The following POU6F2 variants were observed in gnomAD, a reference collection of about 807,000 sequenced individuals.
The protein encoded by POU6F2 is POU class 6 homeobox 2.
In POU6F2, 31 loss-of-function variants were observed where a neutral mutation model predicts 71.3. The ratio of observed to expected loss-of-function variants is 0.43; its 90% CI spans 0.33 to 0.59. The LOEUF is 0.59. POU6F2 is among the 20% of genes least tolerant of loss of function. The pLI, the probability that POU6F2 is intolerant of heterozygous loss-of-function variation, is 0.04. For missense variants in POU6F2, 783 were observed against 856.8 expected, an observed-to-expected ratio of 0.91 and a Z score of 1.07; for synonymous variants, 347 against 355.7, an observed-to-expected ratio of 0.98 and a Z score of 0.27.
chr7:39,457,930 A>G (rs1788841370), intron 8 of POU6F2, among the ~76,000 whole-genome samples: 2 of 151,872 alleles, frequency 1.3e-5, no homozygotes, highest in Non-Finnish European at 2.9e-5. Flanking sequence ...TTTCTCAGCT[A>G]TTATTTTATT....
chr7:39,270,357 G>A (rs1473534110), intron 4 of POU6F2, among the ~76,000 whole-genome samples: 1 of 152,178 alleles, frequency 6.6e-6, no homozygotes, highest in Non-Finnish European at 1.5e-5. Flanking sequence ...TTTTACAGAT[G>A]AGGAAACTGA....
intron 5 of POU6F2, among the ~76,000 whole-genome samples, chr7:39,357,309 G>A (rs1481499760): frequency 1.3e-5 from 2 of 152,122 alleles, no homozygotes; most frequent in African/African-American, 2.4e-5. Context: ...AAACACTGCT[G>A]GGCACTTAAC....
chr7:39,123,963 G>A (rs952652939), intron 2 of POU6F2, among the ~76,000 whole-genome samples: 2 of 151,428 alleles, frequency 1.3e-5, no homozygotes, highest in Non-Finnish European at 2.9e-5. Context: ...ATACCACTGT[G>A]ACTATACATG....
chr7:38,996,142 C>T (rs1212951834), intron 1 of POU6F2, among the ~76,000 whole-genome samples: 3 of 149,396 alleles, frequency 2.0e-5, no homozygotes, highest in South Asian at 4.2e-4. Context: ...CTGGTTCAAG[C>T]GATTCTCCTG....
At chr7:39,006,841 A>C in intron 1 of POU6F2, 1 of 1,613,660 alleles carries the variant, frequency 6.2e-7, no homozygotes, top group Non-Finnish European at 8.5e-7. Context: ...ATCCAAGAGG[A>C]AGTGGCAAAT....
At chr7:39,362,193 T>A (rs1786402372) in intron 5 of POU6F2, among the ~76,000 whole-genome samples, 1 of 151,736 alleles carries the variant, frequency 6.6e-6, no homozygotes, top group Non-Finnish European at 1.5e-5. Flanking sequence ...CTAAAATACA[T>A]CTTGAAGTTT....
intron 3 of POU6F2, among the ~76,000 whole-genome samples, chr7:39,206,009 T>C (rs542822826): frequency 1.3e-5 from 2 of 152,318 alleles, no homozygotes; most frequent in African/African-American, 4.8e-5. Context: ...CCCTCTCAAC[T>C]AGACATGGGA....
chr7:39,410,493 A>G (rs865936808), intron 6 of POU6F2, among the ~76,000 whole-genome samples: 1 of 152,178 alleles, frequency 6.6e-6, no homozygotes, highest in Non-Finnish European at 1.5e-5. Flanking sequence ...CTCTTTGTTT[A>G]CTGGATCTGG....
intron 2 of POU6F2, among the ~76,000 whole-genome samples, chr7:39,155,373 C>A (rs1038162707): frequency 1.3e-5 from 2 of 151,822 alleles, no homozygotes. Context: ...TATTAAAAAT[C>A]TTTTTCACTA....
chr7:39,224,975 C>A (rs997473517), intron 4 of POU6F2, among the ~76,000 whole-genome samples: 7 of 152,140 alleles, frequency 4.6e-5, no homozygotes, highest in African/African-American at 1.7e-4. Context: ...AGCCAGCTGC[C>A]AACTGTTTTT....
chr7:39,092,497 T>C (rs1791378652), intron 2 of POU6F2, among the ~76,000 whole-genome samples: 1 of 152,248 alleles, frequency 6.6e-6, no homozygotes, highest in African/African-American at 2.4e-5. Context: ...TATGGTATTT[T>C]GTAGTTGAAC....
At chr7:39,131,004 T>C (rs1792265693) in intron 2 of POU6F2, among the ~76,000 whole-genome samples, 1 of 152,194 alleles carries the variant, frequency 6.6e-6, no homozygotes, top group South Asian at 2.1e-4. Flanking sequence ...ATGACATTCC[T>C]TGTTACCAGT....
intron 6 of POU6F2, among the ~76,000 whole-genome samples, chr7:39,419,030 TATATATACATATATATGTATACAC>T (rs1787768455): frequency 6.8e-6 from 1 of 146,918 alleles, no homozygotes; most frequent in Non-Finnish European, 1.5e-5. Context: ...TATATGTGTG[TATATATACATATATATGTATACAC>T]ATATATACAC....
At chr7:39,451,131 A>C (rs1035179387) in intron 7 of POU6F2, among the ~76,000 whole-genome samples, 1 of 152,136 alleles carries the variant, frequency 6.6e-6, no homozygotes, top group Admixed American at 6.5e-5. Context: ...GCACAGCCAC[A>C]CCTTTAAGTT....
chr7:39,368,674 G>A (rs1301996855), intron 5 of POU6F2, among the ~76,000 whole-genome samples: 1 of 152,196 alleles, frequency 6.6e-6, no homozygotes, highest in Non-Finnish European at 1.5e-5. Context: ...AAGACAGGCT[G>A]ACTCTCCTAT....
At chr7:38,992,578 A>G (rs962058555) in intron 1 of POU6F2, among the ~76,000 whole-genome samples, 3 of 152,310 alleles carry the variant, frequency 2.0e-5, no homozygotes, top group South Asian at 2.1e-4. Flanking sequence ...AGGAGTTTAC[A>G]CTGACTAGAT....
intron 1 of POU6F2, among the ~76,000 whole-genome samples, chr7:39,016,867 A>G (rs1389289422): frequency 6.6e-6 from 1 of 152,206 alleles, no homozygotes. Flanking sequence ...AAGAAGGCCG[A>G]CAGCCACTGT....
intron 1 of POU6F2, among the ~76,000 whole-genome samples, chr7:39,071,652 GAAACAC>G (rs1790882702): frequency 2.8e-5 from 3 of 106,454 alleles, no homozygotes; most frequent in Non-Finnish European, 3.8e-5. Flanking sequence ...CATCTCTAAA[GAAACAC>G]ACACACACAC....
At chr7:39,083,249 C>G (rs1298631712) in intron 1 of POU6F2, among the ~76,000 whole-genome samples, 1 of 152,172 alleles carries the variant, frequency 6.6e-6, no homozygotes, top group Non-Finnish European at 1.5e-5. Flanking sequence ...TATCATAAGA[C>G]TGCTATTCTC....
Sources: allele counts gnomAD v4.1 joint callset (sites outside exome capture counted in the v4.1 genomes callset), GRCh38; gene constraint gnomAD v4.1.1; transcripts MANE v1.5; gene names NCBI Gene and HGNC (gene_info 2026-07-23, HGNC 2026-07-21).